DDX4: variants seen among roughly 807,000 people sequenced by gnomAD.
DDX4 encodes the protein probable ATP-dependent RNA helicase DDX4.
In DDX4, 25 loss-of-function variants were observed where a neutral mutation model predicts 100.0. The ratio of observed to expected loss-of-function variants is 0.25; its 90% CI spans 0.18 to 0.35. The LOEUF is 0.35. Among genes scored for constraint, DDX4 ranks in the 10% least tolerant of loss-of-function variants. The pLI, the probability that DDX4 is intolerant of heterozygous loss-of-function variation, is 1.00. For synonymous variants in DDX4, 259 were observed against 275.7 expected (o/e 0.94, Z 0.60); for missense variants, 635 against 882.4 (o/e 0.72, Z 3.55).
chr5:55,765,616 G>T (rs900491779), intron 6 of DDX4, among the ~76,000 whole-genome samples: 1 of 151,788 alleles, frequency 6.6e-6, no homozygotes, highest in Non-Finnish European at 1.5e-5. Context: ...ATTTGAACAC[G>T]TAGGTGTGAG....
rs751672817 is a variant in DDX4 at position 55,814,967 on chromosome 5, T to G, written c.1782T>G (p.Leu594=). Residue 594 remains leucine, a synonymous_variant, in exon 20 of 22, where the codon CTT becomes CTG. Coordinates refer to ENST00000505374, the MANE Select transcript of DDX4 (RefSeq NM_024415.3). ...TTCGCTTTGGAAAGTGCCCAGTTCTTGTTGCTACTTCAGTAGCTGCCAGAG... is the reference window on the plus strand; with the variant it reads ...TTCGCTTTGGAAAGTGCCCAGTTCTGGTTGCTACTTCAGTAGCTGCCAGAG... The part of the protein sequence containing the change: ...GDFRFGKCPV[L]VATSVAARGL... 5.6e-6 allele frequency: 9 copies of G among 1,614,188 alleles called. No homozygotes were observed. Among genetic ancestry groups the G allele is most frequent in the Non-Finnish European group, 7.6e-6 (9 of 1,179,984 alleles).
intron 3 of DDX4, among the ~76,000 whole-genome samples, chr5:55,746,812 T>C (rs1759271228): frequency 6.6e-6 from 1 of 152,176 alleles, no homozygotes; most frequent in African/African-American, 2.4e-5. Flanking sequence ...CCAACTCTAT[T>C]TTACAGAGTG....
chr5:55,794,320 T>C (rs1348499095), intron 17 of DDX4, among the ~76,000 whole-genome samples: 1 of 151,616 alleles, frequency 6.6e-6, no homozygotes, highest in Non-Finnish European at 1.5e-5. Context: ...CCCAAGTAGC[T>C]GGGATTACAG....
intron 3 of DDX4, among the ~76,000 whole-genome samples, chr5:55,759,850 G>A (rs1242411613): frequency 6.6e-6 from 1 of 152,040 alleles, no homozygotes; most frequent in Non-Finnish European, 1.5e-5. Flanking sequence ...CTGTGTCCTT[G>A]TTCTGGCTAT....
chr5:55,754,567 C>T (rs1209226998), intron 3 of DDX4, among the ~76,000 whole-genome samples: 9 of 149,770 alleles, frequency 6.0e-5, no homozygotes, highest in South Asian at 2.1e-4. Flanking sequence ...CTGCTGGATT[C>T]GGTTTGCCAG....
chr5:55,786,141 G>A (rs73131151), intron 13 of DDX4, among the ~76,000 whole-genome samples: 18,571 of 152,108 alleles, frequency 0.12, 1,185 homozygotes, highest in Middle Eastern at 0.15. Context: ...GATTCAAGAT[G>A]TTTTCCCAAG....
intron 3 of DDX4, among the ~76,000 whole-genome samples, chr5:55,752,334 TC>T (rs1194146789): frequency 1.3e-5 from 1 of 77,766 alleles, no homozygotes; most frequent in Admixed American, 1.6e-4. Context: ...CCCTCCCCCC[TC>T]CCCCCACCCC....
intron 16 of DDX4, among the ~76,000 whole-genome samples, chr5:55,791,265 C>T (rs1742541841): frequency 6.6e-6 from 1 of 152,100 alleles, no homozygotes; most frequent in Non-Finnish European, 1.5e-5. Flanking sequence ...TTCAGTTCAC[C>T]TTAATGAACC....
At chr5:55,760,361 C>G in intron 4 of DDX4, 84 bp downstream of exon 4, 1 of 1,381,032 alleles carries the variant, frequency 7.2e-7, no homozygotes, top group Non-Finnish European at 9.6e-7. Context: ...TGGTACAAAG[C>G]TAAGTCTGTT....
intron 3 of DDX4, among the ~76,000 whole-genome samples, chr5:55,749,103 C>T (rs1410619687): frequency 6.6e-6 from 1 of 152,090 alleles, no homozygotes; most frequent in East Asian, 1.9e-4. Context: ...TAAGCGAAAA[C>T]AATTTCACAT....
intron 18 of DDX4, among the ~76,000 whole-genome samples, chr5:55,808,653 T>C (rs529757977): frequency 6.6e-6 from 1 of 152,360 alleles, no homozygotes; most frequent in East Asian, 1.9e-4. Context: ...ACAGCAGATA[T>C]TGCTACCTGA....
At position 55,780,032 on chromosome 5, in the gene DDX4, G is replaced by A. The variant is rs147190735; in HGVS notation, c.463G>A (p.Gly155Ser). ...YRRGGRGSFR[G>S]CRGGFGLGSP... Reference sequence around the variant, plus strand: ...AAGAGGTGGAAGAGGTAGTTTCCGAGGTTGCCGTGGAGGATTTGGTCTAGG... The same window carrying A: ...AAGAGGTGGAAGAGGTAGTTTCCGAAGTTGCCGTGGAGGATTTGGTCTAGG... The change falls in exon 8 of 22, where the codon GGT becomes AGT. Residue 155 changes from glycine (G) to serine (S), a missense_variant. Physicochemically the swap from Gly to Ser is moderately conservative, Grantham distance 56. Coordinates refer to ENST00000505374, the MANE Select transcript of DDX4 (RefSeq NM_024415.3). 1.3e-3 allele frequency: 2,166 copies of A among 1,613,974 alleles called. 4 individuals carry two copies. The highest frequency in any genetic ancestry group is 2.8e-3 in the Middle Eastern group (17 of 6,062).
At chr5:55,770,775 A>T (rs1191100463) in intron 7 of DDX4, among the ~76,000 whole-genome samples, 1 of 152,104 alleles carries the variant, frequency 6.6e-6, no homozygotes, top group African/African-American at 2.4e-5. Flanking sequence ...TGGTGGGGAG[A>T]AAGTTAAGCT....
chr5:55,801,598 C>G (rs1456036398), intron 18 of DDX4, among the ~76,000 whole-genome samples: 1 of 152,086 alleles, frequency 6.6e-6, no homozygotes, highest in Non-Finnish European at 1.5e-5. Context: ...CTGTGTCTAC[C>G]TCATGACCAT....
At chr5:55,759,192 CTTTACTTTTGTGTGA>C (rs1308514815) in intron 3 of DDX4, among the ~76,000 whole-genome samples, 1 of 151,852 alleles carries the variant, frequency 6.6e-6, no homozygotes, top group Non-Finnish European at 1.5e-5. Context: ...TCTTTATTTC[CTTTACTTTTGTGTGA>C]TTTACTTTGT....
intron 17 of DDX4, among the ~76,000 whole-genome samples, chr5:55,797,443 T>G (rs1237204552): frequency 6.6e-6 from 1 of 152,154 alleles, no homozygotes; most frequent in Non-Finnish European, 1.5e-5. Flanking sequence ...CTGAAGAATT[T>G]CAGATGATTT....
At chr5:55,762,025 G>A (rs1740592370) in intron 4 of DDX4, among the ~76,000 whole-genome samples, 1 of 152,168 alleles carries the variant, frequency 6.6e-6, no homozygotes, top group Admixed American at 6.6e-5. Flanking sequence ...GTCCTGTGAA[G>A]TATGTCTGAG....
In DDX4 at chr5:55,749,809, C is replaced by CTT. The variant is rs34529525; in HGVS notation, c.127+3603_127+3604dup. ...GAGCAATTCTTTTGTATGTGTGTGT[C>CTT]TTTTTTTTTTTTTTTTCCCAGAAAA... On this transcript the variant is annotated intron_variant, in intron 3 of 21. Coordinates refer to ENST00000505374, the MANE Select transcript of DDX4 (RefSeq NM_024415.3). Among the ~76,000 whole-genome samples, 54 of 134,866 alleles carry CTT rather than the reference C, an allele frequency of 4.0e-4. 1 individual carries two copies. The East Asian group carries it at 0.01, about 26-fold the overall frequency. The allele number at this position is 134,866 out of a possible 152,430, so 88.5% of individuals were successfully genotyped here.
chr5:55,765,615 C>T (rs980500629), intron 6 of DDX4, among the ~76,000 whole-genome samples: 3 of 151,736 alleles, frequency 2.0e-5, no homozygotes, highest in African/African-American at 7.3e-5. Context: ...GATTTGAACA[C>T]GTAGGTGTGA....
Sources: allele counts gnomAD v4.1 joint callset (sites outside exome capture counted in the v4.1 genomes callset), GRCh38; gene constraint gnomAD v4.1.1; transcripts MANE v1.5; gene names NCBI Gene and HGNC (gene_info 2026-07-23, HGNC 2026-07-21).